The following SMG6 variants were observed in gnomAD, a reference collection of about 807,000 sequenced individuals.
SMG6 encodes SMG6 nonsense mediated mRNA decay factor, also known as telomerase-binding protein EST1A.
In SMG6, 66 loss-of-function variants were observed where a neutral mutation model predicts 142.2. That is an observed-to-expected ratio of 0.46 (90% CI 0.38 to 0.57). The LOEUF (loss-of-function observed/expected upper bound fraction) is 0.57, where lower values mean the gene tolerates loss of function less well. SMG6 is among the 20% of genes least tolerant of loss of function. The pLI, the probability that SMG6 is intolerant of heterozygous loss-of-function variation, is 0.00. For missense variants in SMG6, 1,793 were observed against 1,832.0 expected, an observed-to-expected ratio of 0.98 and a Z score of 0.39; for synonymous variants, 779 against 702.4, an observed-to-expected ratio of 1.11 and a Z score of -1.72.
intron 10 of SMG6, among the ~76,000 whole-genome samples, chr17:2,218,275 C>T (rs532440888): frequency 3.3e-5 from 5 of 151,906 alleles, no homozygotes; most frequent in Non-Finnish European, 7.4e-5. Flanking sequence ...ATAGGCCAGG[C>T]GCGGTGGCTC....
At chr17:2,281,486 GTAA>G (rs926676049) in intron 8 of SMG6, among the ~76,000 whole-genome samples, 2 of 152,092 alleles carry the variant, frequency 1.3e-5, no homozygotes, top group African/African-American at 4.8e-5. Flanking sequence ...GGATTCTACT[GTAA>G]TAATATGACT....
rs1208966295 is a variant in SMG6 at position 2,061,300 on chromosome 17, C to A, written c.*192G>T. ...AGCCCAGGAGGGTCCCAGCAGCTTC[C>A]GCCCGATCCTTGGGAGGGGCTCTGT... On this transcript the variant is annotated 3_prime_UTR_variant, in exon 19 of 19. Transcript: ENST00000263073. The A allele has an allele frequency of 3.4e-6, 2 of 594,942 alleles. No individual in the cohort carries two copies. The highest frequency in any genetic ancestry group is 1.9e-5 in the African/African-American group (1 of 53,432). 36.9% of individuals were successfully genotyped at this position (594,942 alleles called of 1,614,324 possible). A position where few individuals can be genotyped will look rare whatever the true frequency, so the allele number is the denominator to read the frequency against.
chr17:2,066,284 A>G (rs1486365772), intron 16 of SMG6, among the ~76,000 whole-genome samples: 1 of 149,268 alleles, frequency 6.7e-6, no homozygotes, highest in African/African-American at 2.5e-5. Context: ...GTGTGCGTGT[A>G]TGTGTCTGTG....
In SMG6 at chr17:2,068,837, A is replaced by G; in HGVS notation, c.3776T>C (p.Leu1259Pro). The G allele has an allele frequency of 6.2e-7, 1 of 1,614,240 alleles. No homozygotes were observed. The highest frequency in any genetic ancestry group is 8.5e-7 in the Non-Finnish European group (1 of 1,180,030). ...CTCCAGCAGCCGCGCCAGACTGGCCAGGTGGTCAATGAAGCCGTTGGTGTC... is the reference window on the plus strand; with the variant it reads ...CTCCAGCAGCCGCGCCAGACTGGCCGGGTGGTCAATGAAGCCGTTGGTGTC... ...VPDTNGFIDH[L>P]ASLARLLESR... Residue 1259 changes from leucine to proline, a missense_variant, in exon 16 of 19, where the codon CTG becomes CCG. Leu to Pro is a moderately conservative substitution (Grantham distance 98). This residue lies in a region of SMG6 where 17 missense variants were observed against 34.7 expected (regional missense o/e 0.49). Coordinates refer to ENST00000263073, the MANE Select transcript of SMG6 (RefSeq NM_017575.5). The surrounding 1 kb of genome is among the most constrained non-coding windows in gnomAD (Gnocchi z 6.7).
In SMG6 at chr17:2,301,646, T is replaced by C. The variant is rs2075279704; in HGVS notation, c.89-982A>G. 2.7e-5 allele frequency among the ~76,000 whole-genome samples: 4 copies of C among 150,912 alleles called. No homozygotes were observed. The South Asian group carries it at 8.4e-4, about 32-fold the overall frequency. On this transcript the variant is annotated intron_variant, in intron 1 of 18. Transcript: ENST00000263073. ...TCACGAGGTCAGGAGATCGAGACCA[T>C]CCTGGCTAACACGGTGAAACCCCGT...
intron 13 of SMG6, among the ~76,000 whole-genome samples, chr17:2,097,090 G>A (rs1424040941): frequency 6.6e-6 from 1 of 152,082 alleles, no homozygotes; most frequent in Non-Finnish European, 1.5e-5. Context: ...GAGGACTCAA[G>A]GCCCTGGAGT....
chr17:2,080,332 C>T (rs575037016), intron 15 of SMG6, among the ~76,000 whole-genome samples: 7 of 152,094 alleles, frequency 4.6e-5, no homozygotes, highest in Admixed American at 3.9e-4. Flanking sequence ...GCAAGAGAAT[C>T]GCTGGAACCC....
chr17:2,291,630 G>C (rs2075039274), intron 6 of SMG6, among the ~76,000 whole-genome samples: 1 of 102,600 alleles, frequency 9.7e-6, no homozygotes, highest in African/African-American at 2.8e-5. Flanking sequence ...GAATTTTCTT[G>C]GGAGGCTGAG....
At position 2,300,600 on chromosome 17, in the gene SMG6, G is replaced by A. The variant is rs201379443; in HGVS notation, c.153C>T (p.Ile51=). The A allele has an allele frequency of 6.2e-7, 1 of 1,613,320 alleles. No homozygotes were observed. Among genetic ancestry groups the A allele is most frequent in the Non-Finnish European group, 8.5e-7 (1 of 1,179,756 alleles). ...RKDNRRPDLE[I]YKPGLSRLRN... ...TTAGCCGAGAAAGGCCAGGCTTATA[G>A]ATTTCCAGATCTGGACGCCTGTTAT... Residue 51 remains isoleucine, a synonymous_variant, in exon 2 of 19, where the codon ATC becomes ATT. Transcript: ENST00000263073.
intron 10 of SMG6, among the ~76,000 whole-genome samples, chr17:2,221,400 G>A (rs376072853): frequency 1.3e-5 from 2 of 152,172 alleles, no homozygotes; most frequent in East Asian, 1.9e-4. Context: ...CTTCCTCTTT[G>A]CCTTCCACCA....
rs903007543 is a variant in SMG6 at position 2,130,266 on chromosome 17, C to CAAAAAAAAAAAAAAAAA, written c.3357+42375_3357+42391dup. Among the ~76,000 whole-genome samples the CAAAAAAAAAAAAAAAAA allele has an allele frequency of 1.0e-3, 40 of 39,392 alleles. 1 individual carries two copies. The highest frequency in any genetic ancestry group is 3.5e-3 in the African/African-American group (22 of 6,368). The allele number at this position is 39,392 out of a possible 152,430, so 25.8% of individuals were successfully genotyped here. A position where few individuals can be genotyped will look rare whatever the true frequency, so the allele number is the denominator to read the frequency against. On this transcript the variant is annotated intron_variant, in intron 13 of 18. Transcript: ENST00000263073. ...TGGGCGACAGAGCGAGACTCCGTCT[C>CAAAAAAAAAAAAAAAAA]AAAAAAAAAAAAAAAAAAGAAACAG...
intron 13 of SMG6, chr17:2,117,750 C>T (rs988439581): frequency 3.9e-5 from 6 of 152,054 alleles, no homozygotes; most frequent in African/African-American, 7.2e-5. Flanking sequence ...TAGCGTTTGT[C>T]GTAAGAATTT....
At chr17:2,238,846 C>T (rs769073030) in intron 9 of SMG6, among the ~76,000 whole-genome samples, 5 of 151,940 alleles carry the variant, frequency 3.3e-5, no homozygotes, top group Non-Finnish European at 5.9e-5. Context: ...CTCCCTTTGC[C>T]TTCCAACTAA....
chr17:2,231,141 A>AC (rs2073480303), intron 10 of SMG6, among the ~76,000 whole-genome samples: 1 of 152,188 alleles, frequency 6.6e-6, no homozygotes, highest in East Asian at 1.9e-4. Context: ...ACAGAAGTGA[A>AC]TCACCACAGA....
At chr17:2,127,600 G>A (rs1332491117) in intron 13 of SMG6, 11 of 583,444 alleles carry the variant, frequency 1.9e-5, no homozygotes, top group Non-Finnish European at 3.1e-5. Context: ...GGCATGCAAT[G>A]TCACTATTTC....
At chr17:2,063,626 C>A (rs4790310) in intron 18 of SMG6, among the ~76,000 whole-genome samples, 30 of 152,088 alleles carry the variant, frequency 2.0e-4, no homozygotes, top group Non-Finnish European at 1.2e-4. Flanking sequence ...TCAGCAATCC[C>A]GCCTACCTTT....
chr17:2,186,921 G>A (rs78081565), intron 11 of SMG6, 90 bp from the exon 12 acceptor site: 33,603 of 1,396,550 alleles, frequency 0.024, 607 homozygotes, highest in South Asian at 0.056. Context: ...AGCTCTTAGG[G>A]AAGGGAGACC....
At chr17:2,218,016 CAAAAACAAAAACA>C (rs2151760930) in intron 10 of SMG6, among the ~76,000 whole-genome samples, 1 of 124,578 alleles carries the variant, frequency 8.0e-6, no homozygotes, top group South Asian at 2.7e-4. Context: ...TCTCAAAAAA[CAAAAACAAAAACA>C]AAAAAAAAAA....
chr17:2,302,592 C>G (rs1467093871), intron 1 of SMG6, among the ~76,000 whole-genome samples: 4 of 152,128 alleles, frequency 2.6e-5, no homozygotes, highest in African/African-American at 9.7e-5. Flanking sequence ...GTATTGCTCT[C>G]TAAATATAAA....
Sources: gnomAD v4.1 joint callset for allele counts (sites outside exome capture counted in the v4.1 genomes callset) on GRCh38, gnomAD v4.1.1 for gene constraint, gnomAD v4.1.1 regional missense constraint, Gnocchi (gnomAD v3.1) non-coding constraint, MANE v1.5 for transcripts, NCBI Gene and HGNC (gene_info 2026-07-23, HGNC 2026-07-21) for gene names.